PTGFR: variants seen among roughly 807,000 people sequenced by gnomAD.
The protein encoded by PTGFR is prostaglandin F2-alpha receptor.
Under a neutral mutation model 26.2 loss-of-function variants are expected in PTGFR, and 15 were observed. The observed-to-expected ratio is 0.57, with a 90% CI of 0.38 to 0.88. The LOEUF (loss-of-function observed/expected upper bound fraction) is 0.88, where lower values mean the gene tolerates loss of function less well. PTGFR is among the 40% of genes least tolerant of loss of function. The pLI is 0.00. For synonymous variants in PTGFR, 165 were observed against 151.1 expected, an observed-to-expected ratio of 1.09 and a Z score of -0.68; for missense variants, 369 against 427.2, an observed-to-expected ratio of 0.86 and a Z score of 1.20.
At chr1:78,504,309 C>G (rs1205297576) in intron 2 of PTGFR, among the ~76,000 whole-genome samples, 2 of 151,950 alleles carry the variant, frequency 1.3e-5, no homozygotes, top group Non-Finnish European at 2.9e-5. Flanking sequence ...ATCTTTTTAC[C>G]TAGCTAATGG....
intron 2 of PTGFR, chr1:78,497,816 A>G (rs1366278276): frequency 9.2e-6 from 11 of 1,198,172 alleles, no homozygotes; most frequent in Non-Finnish European, 1.2e-5. Context: ...TTAGGACGCT[A>G]TTAAACTTCA....
intron 2 of PTGFR, among the ~76,000 whole-genome samples, chr1:78,526,162 TG>T (rs1481359535): frequency 6.6e-6 from 1 of 152,094 alleles, no homozygotes; most frequent in Non-Finnish European, 1.5e-5. Context: ...TATTATTCAC[TG>T]GGACTAAAAA....
intron 2 of PTGFR, among the ~76,000 whole-genome samples, chr1:78,515,866 A>G (rs972274763): frequency 1.4e-4 from 21 of 152,186 alleles, no homozygotes; most frequent in Admixed American, 1.3e-3. Context: ...TTCAAGAAAA[A>G]TGCAGCTCAT....
chr1:78,508,089 CT>C (rs1649869457), intron 2 of PTGFR, among the ~76,000 whole-genome samples: 2 of 152,006 alleles, frequency 1.3e-5, no homozygotes, highest in African/African-American at 4.8e-5. Flanking sequence ...ACTCAGGATA[CT>C]TTTTTAACCT....
Position 78,535,022 on chromosome 1 carries a change from GGA to G in PTGFR, c.799-1376_799-1375del, listed in dbSNP as rs1397820711. Among the ~76,000 whole-genome samples, 14 of 152,254 alleles carry G rather than the reference GGA, an allele frequency of 9.2e-5. No individual in the cohort carries two copies. In the East Asian group the frequency reaches 1.7e-3, roughly 19 times the overall value. On this transcript the variant is annotated intron_variant, in intron 2 of 2. Coordinates refer to ENST00000370757, the MANE Select transcript of PTGFR (RefSeq NM_000959.4). ...AAGGCTGGGGTTAGGGGTTAAAGGT[GGA>G]GAGAGAGTAATGATGAGTGCTTGGG...
chr1:78,494,840 G>A (rs1323268195), intron 2 of PTGFR, among the ~76,000 whole-genome samples: 3 of 152,082 alleles, frequency 2.0e-5, no homozygotes, highest in Non-Finnish European at 4.4e-5. Flanking sequence ...TCCTGACCTC[G>A]TAATCCTTCC....
chr1:78,534,102 A>G (rs1650588069), intron 2 of PTGFR, among the ~76,000 whole-genome samples: 1 of 152,182 alleles, frequency 6.6e-6, no homozygotes, highest in African/African-American at 2.4e-5. Context: ...TACAACTGTA[A>G]TGTGCCAATG....
intron 2 of PTGFR, among the ~76,000 whole-genome samples, chr1:78,515,821 G>C (rs1650079404): frequency 6.6e-6 from 1 of 152,082 alleles, no homozygotes. Flanking sequence ...TTTCTACTCT[G>C]TTTCCTATGC....
chr1:78,536,265 G>C (rs1051763071), intron 2 of PTGFR, 141 bp from the exon 3 acceptor site: 63 of 784,598 alleles, frequency 8.0e-5, no homozygotes, highest in Non-Finnish European at 1.2e-4. Context: ...TGCTATCATT[G>C]ATTTCTTTCT....
intron 2 of PTGFR, among the ~76,000 whole-genome samples, chr1:78,499,135 C>T (rs1175890618): frequency 3.3e-5 from 5 of 152,144 alleles, no homozygotes; most frequent in Admixed American, 1.3e-4. Context: ...TCAGGGAGCA[C>T]ATTCCTGTCC....
chr1:78,537,598 G>A lies in PTGFR; in HGVS notation c.*911G>A, dbSNP rs1325656349. 2.6e-5 allele frequency: 4 copies of A among 152,054 alleles called. No individual in the cohort carries two copies. Among genetic ancestry groups the A allele is most frequent in the African/African-American group, 9.7e-5 (4 of 41,424 alleles). 9.4% of individuals were successfully genotyped at this position (152,054 alleles called of 1,614,324 possible). On this transcript the variant is annotated 3_prime_UTR_variant, in exon 3 of 3. Transcript: ENST00000370757. ...ACCTTGAGCCATTATTTGTGTCAGA[G>A]AACAAAAGAAACAGAATCAATATAT...
intron 2 of PTGFR, among the ~76,000 whole-genome samples, chr1:78,496,528 T>C (rs1649556460): frequency 6.6e-6 from 1 of 152,112 alleles, no homozygotes; most frequent in Non-Finnish European, 1.5e-5. Context: ...TGGCCAGTGT[T>C]CACAGTCATT....
intron 2 of PTGFR, among the ~76,000 whole-genome samples, chr1:78,526,122 C>T (rs776720765): frequency 1.3e-5 from 2 of 151,958 alleles, no homozygotes; most frequent in Non-Finnish European, 2.9e-5. Context: ...AAAGGTCCTG[C>T]CCAACATTGC....
chr1:78,500,437 C>T (rs1007258912), intron 2 of PTGFR, among the ~76,000 whole-genome samples: 1 of 152,216 alleles, frequency 6.6e-6, no homozygotes, highest in African/African-American at 2.4e-5. Context: ...GTGTCCCTGT[C>T]TCTTGGGGTC....
At chr1:78,527,326 G>T (rs1477184899) in intron 2 of PTGFR, among the ~76,000 whole-genome samples, 1 of 151,960 alleles carries the variant, frequency 6.6e-6, no homozygotes, top group Non-Finnish European at 1.5e-5. Flanking sequence ...TAGTAAAATT[G>T]TATGAATTTT....
intron 2 of PTGFR, chr1:78,532,256 A>C (rs1049880428): frequency 1.8e-5 from 7 of 397,406 alleles, no homozygotes; most frequent in African/African-American, 1.5e-4. Context: ...CAAGGTGTGG[A>C]TGGAGAGGCA....
At chr1:78,520,997 C>A (rs1299133613) in intron 2 of PTGFR, among the ~76,000 whole-genome samples, 1 of 152,074 alleles carries the variant, frequency 6.6e-6, no homozygotes. Flanking sequence ...ATCTGAGCTA[C>A]GCTTTTTAAT....
chr1:78,507,287 G>T (rs918932701), intron 2 of PTGFR, among the ~76,000 whole-genome samples: 16 of 152,202 alleles, frequency 1.1e-4, no homozygotes, highest in African/African-American at 3.1e-4. Flanking sequence ...GAGAATAATT[G>T]ATTATTCTCA....
At chr1:78,525,994 A>G (rs530156192) in intron 2 of PTGFR, among the ~76,000 whole-genome samples, 1 of 152,222 alleles carries the variant, frequency 6.6e-6, no homozygotes, top group African/African-American at 2.4e-5. Context: ...TTCTTATATT[A>G]CTAATTCTTC....
Sources: gnomAD v4.1 joint callset for allele counts (sites outside exome capture counted in the v4.1 genomes callset) on GRCh38, gnomAD v4.1.1 for gene constraint, MANE v1.5 for transcripts, NCBI Gene and HGNC (gene_info 2026-07-23, HGNC 2026-07-21) for gene names.